The following LATS2 variants were observed in gnomAD, a reference collection of about 807,000 sequenced individuals.
The protein encoded by LATS2 is large tumor suppressor kinase 2.
A neutral mutation model predicts 76.0 loss-of-function variants in LATS2; 24 were observed. That is an observed-to-expected ratio of 0.32 (90% CI 0.23 to 0.44). The LOEUF is 0.44. Ranked by LOEUF, LATS2 falls within the 20% of genes least tolerant of loss-of-function variation. The pLI is 1.00. For missense variants in LATS2, 1,286 were observed against 1,481.2 expected (o/e 0.87, Z 2.16); for synonymous variants, 692 against 635.4 (o/e 1.09, Z -1.34).
chr13:21,047,790 G>C (rs1270072873), intron 1 of LATS2, among the ~76,000 whole-genome samples: 1 of 151,716 alleles, frequency 6.6e-6, no homozygotes, highest in African/African-American at 2.4e-5. Context: ...TAGATCTATT[G>C]CACAACCATA....
In LATS2 at chr13:20,983,891, C is replaced by T. The variant is rs550108062; in HGVS notation, c.1900-85G>A. 4.9e-5 allele frequency: 50 copies of T among 1,026,306 alleles called. No homozygotes were observed. The East Asian group carries it at 1.0e-3, about 22-fold the overall frequency. The allele number at this position is 1,026,306 out of a possible 1,614,324, so 63.6% of individuals were successfully genotyped here. ...TGACTGGGATGGGGATGCCCTGGAA[C>T]TGAGAGGAACCTAGCTCATTTTACA... is the stretch of plus-strand genomic sequence containing the variant. On this transcript the variant is annotated intron_variant, in intron 4 of 7. Coordinates refer to ENST00000382592, the MANE Select transcript of LATS2 (RefSeq NM_014572.3).
At chr13:21,032,827 A>G (rs1872576515) in intron 2 of LATS2, among the ~76,000 whole-genome samples, 1 of 152,166 alleles carries the variant, frequency 6.6e-6, no homozygotes, top group Admixed American at 6.5e-5. Flanking sequence ...GTGGGACTCG[A>G]AGGGTGGACC....
intron 2 of LATS2, among the ~76,000 whole-genome samples, chr13:21,034,732 G>T (rs369559801): frequency 7.1e-6 from 1 of 141,676 alleles, no homozygotes; most frequent in Non-Finnish European, 1.6e-5. Flanking sequence ...GGCCGCTGCC[G>T]AGCCTACACA....
At chr13:21,027,974 C>G (rs1872374741) in intron 2 of LATS2, among the ~76,000 whole-genome samples, 1 of 151,810 alleles carries the variant, frequency 6.6e-6, no homozygotes, top group Non-Finnish European at 1.5e-5. Flanking sequence ...TACATGTGCA[C>G]AATGTGCCGG....
At chr13:21,004,574 A>G (rs1871189605) in intron 2 of LATS2, among the ~76,000 whole-genome samples, 2 of 152,330 alleles carry the variant, frequency 1.3e-5, no homozygotes, top group East Asian at 3.9e-4. Context: ...TTGCGAGTGC[A>G]CACAGCATGC....
At chr13:21,046,780 C>T (rs1873089218) in intron 1 of LATS2, among the ~76,000 whole-genome samples, 2 of 152,236 alleles carry the variant, frequency 1.3e-5, no homozygotes, top group African/African-American at 4.8e-5. Context: ...CACATTAAAA[C>T]TGTCCCATGT....
At chr13:21,030,591 CAAAA>C (rs374884189) in intron 2 of LATS2, among the ~76,000 whole-genome samples, 2 of 25,728 alleles carry the variant, frequency 7.8e-5, no homozygotes, top group African/African-American at 1.0e-4. Context: ...GACTCCGTCT[CAAAA>C]AAAAAAAAAA....
At chr13:20,998,032 G>A (rs1238689713) in intron 2 of LATS2, among the ~76,000 whole-genome samples, 2 of 152,128 alleles carry the variant, frequency 1.3e-5, no homozygotes, top group East Asian at 3.9e-4. Context: ...TCGTGTCTGC[G>A]TGGGCCTCTG....
At chr13:21,057,513 T>C (rs1873484043) in intron 1 of LATS2, among the ~76,000 whole-genome samples, 1 of 152,120 alleles carries the variant, frequency 6.6e-6, no homozygotes, top group African/African-American at 2.4e-5. Context: ...ACTTTCAAAA[T>C]AAAACTAATA....
rs1872305648 is a variant in LATS2 at position 21,026,183 on chromosome 13, T to C, written c.342+19502A>G. Among the ~76,000 whole-genome samples, 2 of 152,186 alleles carry C rather than the reference T, an allele frequency of 1.3e-5. 1 individual carries two copies. Among genetic ancestry groups the C allele is most frequent in the South Asian group, 4.1e-4 (2 of 4,824 alleles). ...AACTGGACCGTTCAAGTATGAAAGA[T>C]GTATACACCAGTAAAATCACCATCA... On this transcript the variant is annotated intron_variant, in intron 2 of 7. Coordinates refer to ENST00000382592, the MANE Select transcript of LATS2 (RefSeq NM_014572.3).
chr13:20,983,728 T>C lies in LATS2; in HGVS notation c.1978A>G (p.Arg660Gly), dbSNP rs760089773. The C allele has an allele frequency of 6.2e-7, 1 of 1,614,168 alleles. No homozygotes were observed. Among genetic ancestry groups the C allele is most frequent in the South Asian group, 1.1e-5 (1 of 91,082 alleles). Reference sequence around the variant, plus strand: ...AACATAGACTTGTCCATCTTGGCCCTCTTTAACCTGTTGTAATTAGACTCT... The same window carrying C: ...AACATAGACTTGTCCATCTTGGCCCCCTTTAACCTGTTGTAATTAGACTCT... Reference protein sequence around the residue: ...QKESNYNRLKRAKMDKSMFVK... With the variant: ...QKESNYNRLKGAKMDKSMFVK... The change falls in exon 5 of 8, where the codon AGG becomes GGG. Residue 660 changes from arginine to glycine, a missense_variant. Arg to Gly is a moderately radical substitution (Grantham distance 125). Around this residue, in one of 5 missense-constraint regions of LATS2, gnomAD observed 247 missense variants for 385.4 expected, o/e 0.64. Transcript: ENST00000382592.
intron 2 of LATS2, among the ~76,000 whole-genome samples, chr13:21,007,825 T>C (rs1309062116): frequency 1.6e-5 from 2 of 122,862 alleles, no homozygotes; most frequent in Non-Finnish European, 3.4e-5. Context: ...AGTGGCGCAA[T>C]CTTGGCTCAC....
intron 3 of LATS2, 54 bp from the exon 4 acceptor site, chr13:20,989,358 C>T: frequency 6.3e-7 from 1 of 1,589,072 alleles, no homozygotes; most frequent in Non-Finnish European, 8.6e-7. Flanking sequence ...TCAGTGGGTT[C>T]TGGCACTTCC....
intron 2 of LATS2, among the ~76,000 whole-genome samples, chr13:21,033,600 T>A (rs1872602982): frequency 6.6e-6 from 1 of 150,926 alleles, no homozygotes; most frequent in African/African-American, 2.4e-5. Context: ...ACACACGGTA[T>A]CGCTGAAGGC....
In LATS2 at chr13:21,007,753, TATATA is replaced by T. The variant is rs1213441406; in HGVS notation, c.343-16354_343-16350del. 7.0e-4 allele frequency among the ~76,000 whole-genome samples: 5 copies of T among 7,158 alleles called. 1 individual carries two copies. In the East Asian group the frequency reaches 0.016, roughly 22 times the overall value. 4.7% of individuals were successfully genotyped at this position (7,158 alleles called of 152,430 possible). On this transcript the variant is annotated intron_variant, in intron 2 of 7. Coordinates refer to ENST00000382592, the MANE Select transcript of LATS2 (RefSeq NM_014572.3). Reference sequence around the variant, plus strand: ...TATATATAGTATATATATATATATATATATATATTTTTTTTTTTTTTTTGAGATGG... The same window carrying T: ...TATATATAGTATATATATATATATATTATTTTTTTTTTTTTTTTGAGATGG...
At chr13:21,017,299 C>T (rs923614051) in intron 2 of LATS2, among the ~76,000 whole-genome samples, 1 of 152,194 alleles carries the variant, frequency 6.6e-6, no homozygotes. Context: ...TTCATAAAAA[C>T]ACTTCCCTTA....
chr13:21,052,059 T>C (rs1317416135), intron 1 of LATS2, among the ~76,000 whole-genome samples: 1 of 152,180 alleles, frequency 6.6e-6, no homozygotes, highest in African/African-American at 2.4e-5. Flanking sequence ...ACTGAGCGTG[T>C]GGTCTGAGCC....
chr13:21,025,564 A>G (rs1181873245), intron 2 of LATS2, among the ~76,000 whole-genome samples: 1 of 152,156 alleles, frequency 6.6e-6, no homozygotes, highest in East Asian at 1.9e-4. Context: ...GTCATGCAGG[A>G]TGGATCACTT....
In LATS2 at chr13:21,050,944, G is replaced by A. The variant is rs150809660; in HGVS notation, c.-204-4714C>T. Among the ~76,000 whole-genome samples, 209 of 152,378 alleles carry A rather than the reference G, an allele frequency of 1.4e-3. 6 individuals carry two copies. The East Asian group carries it at 0.031, about 23-fold the overall frequency. On this transcript the variant is annotated intron_variant, in intron 1 of 7. Transcript: ENST00000382592. ...TGCCATGATACCACAGCCACGTGAG[G>A]GGGGGCAGGAAAAGGCTGAGTCAAA... is the stretch of plus-strand genomic sequence containing the variant.
Sources: gnomAD v4.1 joint callset for allele counts (sites outside exome capture counted in the v4.1 genomes callset) on GRCh38, gnomAD v4.1.1 for gene constraint, gnomAD v4.1.1 regional missense constraint, MANE v1.5 for transcripts, NCBI Gene and HGNC (gene_info 2026-07-23, HGNC 2026-07-21) for gene names.